The following ADHFE1 variants were observed in gnomAD, a reference collection of about 807,000 sequenced individuals.
ADHFE1 encodes hydroxyacid-oxoacid transhydrogenase, mitochondrial.
In ADHFE1, 37 loss-of-function variants were observed where a neutral mutation model predicts 54.8. The ratio of observed to expected loss-of-function variants is 0.68; its 90% CI spans 0.52 to 0.89. ADHFE1 has a LOEUF of 0.89. ADHFE1 is among the 40% of genes least tolerant of loss of function. The probability of loss-of-function intolerance (pLI) is 0.00; values close to 1 mark genes in which losing one functional copy is unlikely to be tolerated. For synonymous variants in ADHFE1, 203 were observed against 229.3 expected, an observed-to-expected ratio of 0.89 and a Z score of 1.04; for missense variants, 601 against 591.2, an observed-to-expected ratio of 1.02 and a Z score of -0.17.
intron 13 of ADHFE1, among the ~76,000 whole-genome samples, chr8:66,464,653 C>G (rs1345429719): frequency 6.6e-6 from 1 of 152,206 alleles, no homozygotes; most frequent in Non-Finnish European, 1.5e-5. Flanking sequence ...CCTCTCTCAT[C>G]TGTCCCTCTA....
chr8:66,445,460 A>G (rs1353364468), intron 6 of ADHFE1, 46 bp downstream of exon 6: 17 of 1,528,812 alleles, frequency 1.1e-5, no homozygotes, highest in Non-Finnish European at 1.4e-5. Flanking sequence ...GCAATGAGCA[A>G]TAGATCTTAA....
chr8:66,453,818 A>T, intron 9 of ADHFE1: 8 of 1,450,208 alleles, frequency 5.5e-6, no homozygotes, highest in East Asian at 3.3e-5. Flanking sequence ...CGGCGCTTTT[A>T]CATCACATGA....
rs747627049 is a variant in ADHFE1 at position 66,452,050 on chromosome 8, A to G, written c.832A>G (p.Ile278Val). ...TRPAYQGSNP[I>V]SDIWAIHALR... ...GCCTGCGTACCAGGGCAGCAACCCA[A>G]TCAGTGACATTTGGGCTATCCACGC... is the stretch of plus-strand genomic sequence containing the variant. Residue 278 changes from isoleucine (I) to valine (V), a missense_variant, in exon 9 of 14, where the codon ATC becomes GTC. Ile to Val is a conservative substitution (Grantham distance 29, BLOSUM62 3). Transcript: ENST00000396623. 6.8e-6 allele frequency: 11 copies of G among 1,614,244 alleles called. No individual in the cohort carries two copies. In the Admixed American group the frequency reaches 1.5e-4, roughly 22 times the overall value.
chr8:66,450,346 G>GGGAGTGGGCTCAGAAGGCA (rs1433064480), intron 8 of ADHFE1, among the ~76,000 whole-genome samples: 3 of 152,232 alleles, frequency 2.0e-5, no homozygotes, highest in African/African-American at 7.2e-5. Flanking sequence ...AATCAAAGTG[G>GGGAGTGGGCTCAGAAGGCA]GGAGTGGGCT....
At position 66,439,108 on chromosome 8, in the gene ADHFE1, G is replaced by T; in HGVS notation, c.60-1054G>T. 1.1e-6 allele frequency: 1 copy of T among 869,766 alleles called. No individual in the cohort carries two copies. The highest frequency in any genetic ancestry group is 1.4e-6 in the Non-Finnish European group (1 of 724,614). 53.9% of individuals were successfully genotyped at this position (869,766 alleles called of 1,614,324 possible). ...AACCACTAGATGGCAGCCGCGACTC[G>T]CGCCAGCTCTCACTCGCCCCCGCGT... On this transcript the variant is annotated intron_variant, in intron 1 of 13. Coordinates refer to ENST00000396623, the MANE Select transcript of ADHFE1 (RefSeq NM_144650.3). The surrounding 1 kb of genome is among the most constrained non-coding windows in gnomAD (Gnocchi z 4.4).
intron 2 of ADHFE1, among the ~76,000 whole-genome samples, chr8:66,441,861 G>A (rs1805762803): frequency 1.3e-5 from 2 of 151,712 alleles, no homozygotes; most frequent in Admixed American, 1.3e-4. Context: ...AGTCCCAGCT[G>A]CTAGGAAGGC....
At chr8:66,442,900 A>G (rs1805833581) in intron 3 of ADHFE1, 56 bp downstream of exon 3, 2 of 1,350,928 alleles carry the variant, frequency 1.5e-6, no homozygotes, top group South Asian at 1.3e-5. Flanking sequence ...AAATAAAACT[A>G]GAATATTTTG....
chr8:66,463,065 GC>G (rs1563495774), intron 13 of ADHFE1, among the ~76,000 whole-genome samples: 2 of 151,816 alleles, frequency 1.3e-5, no homozygotes, highest in East Asian at 3.9e-4. Context: ...CAGGTGATCC[GC>G]CCACCTCAGC....
At chr8:66,434,340 G>A (rs1284335408) in intron 1 of ADHFE1, among the ~76,000 whole-genome samples, 2 of 152,180 alleles carry the variant, frequency 1.3e-5, no homozygotes, top group Non-Finnish European at 2.9e-5. Flanking sequence ...GTGATTGAAT[G>A]TATTGTTCTG....
chr8:66,460,157 G>T, intron 12 of ADHFE1, 151 bp from the exon 13 acceptor site: 1 of 933,408 alleles, frequency 1.1e-6, no homozygotes, highest in Non-Finnish European at 1.6e-6. Flanking sequence ...CAGCCAACTT[G>T]GGCCCTCCTG....
At chr8:66,459,355 G>T (rs937891845) in intron 12 of ADHFE1, among the ~76,000 whole-genome samples, 1 of 150,504 alleles carries the variant, frequency 6.6e-6, no homozygotes, top group African/African-American at 2.4e-5. Context: ...AACCTCCCGC[G>T]TGGCTCTTCC....
intron 1 of ADHFE1, among the ~76,000 whole-genome samples, chr8:66,437,644 C>T (rs149996619): frequency 6.6e-6 from 1 of 151,376 alleles, no homozygotes. Context: ...TTCATTTACT[C>T]GCTCATTTAA....
intron 8 of ADHFE1, among the ~76,000 whole-genome samples, chr8:66,449,613 C>T (rs1161819319): frequency 6.6e-6 from 1 of 152,134 alleles, no homozygotes; most frequent in Non-Finnish European, 1.5e-5. Flanking sequence ...GCCGATGGCC[C>T]CCTAATCAGT....
chr8:66,449,038 A>G lies in ADHFE1; in HGVS notation c.734+68A>G, dbSNP rs1806168493. On this transcript the variant is annotated intron_variant, in intron 8 of 13. Coordinates refer to ENST00000396623, the MANE Select transcript of ADHFE1 (RefSeq NM_144650.3). ...TCTATGGATAGTATTTTGTTGCTCA[A>G]CGCACATGCTAAGTATTCATTGATT... is the stretch of plus-strand genomic sequence containing the variant. The G allele has an allele frequency of 5.2e-6, 7 of 1,353,542 alleles. No individual in the cohort carries two copies. In the South Asian group the frequency reaches 7.1e-5, roughly 14 times the overall value. 83.8% of individuals were successfully genotyped at this position (1,353,542 alleles called of 1,614,324 possible).
In ADHFE1 at chr8:66,439,004, A is replaced by T. The variant is rs549439998; in HGVS notation, c.60-1158A>T. On this transcript the variant is annotated intron_variant, in intron 1 of 13. Coordinates refer to ENST00000396623, the MANE Select transcript of ADHFE1 (RefSeq NM_144650.3). This position sits in a 1 kb window ranked among gnomAD's most constrained non-coding sequence, Gnocchi z 4.4. ...TGTCATTAGAGGGCATAAAGCAGGGAAAGTCTTCCAACCAAAGCCCACCGT... is the reference window on the plus strand; with the variant it reads ...TGTCATTAGAGGGCATAAAGCAGGGTAAGTCTTCCAACCAAAGCCCACCGT... Among the ~76,000 whole-genome samples, 1 of 151,592 alleles carries T rather than the reference A, an allele frequency of 6.6e-6. No homozygotes were observed. Among genetic ancestry groups the T allele is most frequent in the Non-Finnish European group, 1.5e-5 (1 of 67,882 alleles).
chr8:66,451,330 C>A (rs1341183773), intron 8 of ADHFE1, among the ~76,000 whole-genome samples: 1 of 152,182 alleles, frequency 6.6e-6, no homozygotes, highest in Non-Finnish European at 1.5e-5. Context: ...GCCAGGTACT[C>A]TTCTAAATAC....
chr8:66,432,823 C>A, intron 1 of ADHFE1: 1 of 1,225,040 alleles, frequency 8.2e-7, no homozygotes, highest in Non-Finnish European at 1.0e-6. Context: ...AACTGAGGCC[C>A]AGAGAGGACC....
chr8:66,439,394 TGGGACTGTCCA>T lies in ADHFE1; in HGVS notation c.60-765_60-755del, dbSNP rs1045831359. The T allele has an allele frequency of 5.1e-6, 5 of 985,490 alleles. No individual in the cohort carries two copies. The allele number at this position is 985,490 out of a possible 1,614,324, so 61.0% of individuals were successfully genotyped here. On this transcript the variant is annotated intron_variant, in intron 1 of 13. Transcript: ENST00000396623. This position sits in a 1 kb window ranked among gnomAD's most constrained non-coding sequence, Gnocchi z 4.4. ...GAGAAAGAGAAGCCAGAGGAGAGAC[TGGGACTGTCCA>T]GGAAATAGGAGACGACCAGGACAGG...
chr8:66,449,120 A>C, intron 8 of ADHFE1, 150 bp downstream of exon 8: 1 of 711,866 alleles, frequency 1.4e-6, no homozygotes, highest in Non-Finnish European at 2.3e-6. Context: ...TAAATCAAAC[A>C]TTCAAGCTTT....
Sources: allele counts gnomAD v4.1 joint callset (sites outside exome capture counted in the v4.1 genomes callset), GRCh38; gene constraint gnomAD v4.1.1; non-coding constraint Gnocchi (gnomAD v3.1); transcripts MANE v1.5; gene names NCBI Gene and HGNC (gene_info 2026-07-23, HGNC 2026-07-21).